Variants in LRRC8C observed in about 807,000 individuals in gnomAD.
LRRC8C encodes the protein volume-regulated anion channel subunit LRRC8C.
Under a neutral mutation model 55.3 loss-of-function variants are expected in LRRC8C, and 20 were observed. The observed-to-expected ratio is 0.36, with a 90% CI of 0.25 to 0.53. The LOEUF (loss-of-function observed/expected upper bound fraction) is 0.53. LRRC8C is among the 20% of genes least tolerant of loss of function. LRRC8C has a pLI of 0.92. For missense variants in LRRC8C, 659 were observed against 951.4 expected (o/e 0.69, Z 4.04); for synonymous variants, 376 against 360.7 (o/e 1.04, Z -0.48).
Position 89,713,598 on chromosome 1 carries a change from A to G in LRRC8C, c.1028A>G (p.Tyr343Cys), listed in dbSNP as rs750411030. The G allele has an allele frequency of 6.2e-7, 1 of 1,614,134 alleles. No individual in the cohort carries two copies. Among genetic ancestry groups the G allele is most frequent in the Non-Finnish European group, 8.5e-7 (1 of 1,180,012 alleles). The part of the protein sequence containing the change: ...TCLYTLYWLF[Y>C]RSLREYSFEY... ...CTTTATACCTTATACTGGCTGTTCT[A>G]CCGTTCTCTACGGGAATATTCCTTT... Residue 343 changes from tyrosine to cysteine, a missense_variant, in exon 3 of 3, where the codon TAC (tyrosine) becomes TGC (cysteine). Physicochemically the swap from Tyr to Cys is radical, Grantham distance 194. This residue lies in a region of LRRC8C where 200 missense variants were observed against 360.5 expected (regional missense o/e 0.55). Transcript: ENST00000370454. The surrounding 1 kb of genome is among the most constrained non-coding windows in gnomAD (Gnocchi z 5.2).
chr1:89,644,521 C>A (rs1490542986), intron 1 of LRRC8C, among the ~76,000 whole-genome samples: 1 of 152,172 alleles, frequency 6.6e-6, no homozygotes, highest in African/African-American at 2.4e-5. Context: ...TGATCCTTGA[C>A]AGAAAGAGAC....
rs371299260 is a variant in LRRC8C, at chr1:89,714,225, A to G, written c.1655A>G (p.Asn552Ser). The G allele has an allele frequency of 2.5e-6, 4 of 1,614,108 alleles. No individual in the cohort carries two copies. The South Asian group carries it at 3.3e-5, about 13-fold the overall frequency. ...CTTAAAATTCTCTCTATCAAAAGCA[A>G]CGTTTCCAAAATCCCTCAGGCAGTG... ...KSLKILSIKS[N>S]VSKIPQAVVD... Residue 552 changes from asparagine to serine, a missense_variant, in exon 3 of 3, where the codon AAC becomes AGC. Transcript: ENST00000370454. The surrounding 1 kb of genome is among the most constrained non-coding windows in gnomAD (Gnocchi z 4.6).
At chr1:89,694,934 T>TC (rs943842426) in intron 2 of LRRC8C, among the ~76,000 whole-genome samples, 7 of 150,752 alleles carry the variant, frequency 4.6e-5, no homozygotes, top group Non-Finnish European at 8.9e-5. Context: ...CTTTTTTTTT[T>TC]TTTTTTTGAT....
At chr1:89,666,119 G>A (rs192181515) in intron 1 of LRRC8C, among the ~76,000 whole-genome samples, 3 of 152,204 alleles carry the variant, frequency 2.0e-5, no homozygotes, top group East Asian at 3.9e-4. Flanking sequence ...TTCTCAGAAC[G>A]TATCCCCATT....
the LRRC8C span, among the ~76,000 whole-genome samples, chr1:89,617,828 C>T: frequency 6.6e-6 from 1 of 152,138 alleles, no homozygotes; most frequent in African/African-American, 2.4e-5. Flanking sequence ...CTCAAGAAAG[C>T]ACAGATTTGA....
chr1:89,663,896 C>T (rs1215083191), intron 1 of LRRC8C, among the ~76,000 whole-genome samples: 2 of 151,956 alleles, frequency 1.3e-5, no homozygotes, highest in Admixed American at 6.5e-5. Flanking sequence ...AGCTTTTTTT[C>T]ATGTTTGTTG....
intron 1 of LRRC8C, among the ~76,000 whole-genome samples, chr1:89,649,706 A>G (rs908321516): frequency 1.3e-5 from 2 of 152,226 alleles, no homozygotes; most frequent in East Asian, 1.9e-4. Context: ...TTCAGGCACT[A>G]TTCCTTTGCC....
upstream of LRRC8C, among the ~76,000 whole-genome samples, chr1:89,630,058 T>C (rs1228473058): frequency 6.6e-6 from 1 of 152,134 alleles, no homozygotes; most frequent in African/African-American, 2.4e-5. Context: ...TAATCCCAGC[T>C]AGTCAGGAGG....
intron 1 of LRRC8C, among the ~76,000 whole-genome samples, chr1:89,658,868 A>G (rs944670439): frequency 1.3e-5 from 2 of 152,170 alleles, no homozygotes; most frequent in Non-Finnish European, 2.9e-5. Flanking sequence ...CCAAGAGGCT[A>G]TAGAGCTAAA....
At chr1:89,674,338 G>A (rs907921931) in intron 1 of LRRC8C, among the ~76,000 whole-genome samples, 1 of 152,110 alleles carries the variant, frequency 6.6e-6, no homozygotes, top group Non-Finnish European at 1.5e-5. Flanking sequence ...TCTAGAATGT[G>A]TGACTCTATG....
chr1:89,694,418 C>G (rs938736400), intron 2 of LRRC8C, among the ~76,000 whole-genome samples: 1 of 151,978 alleles, frequency 6.6e-6, no homozygotes, highest in African/African-American at 2.4e-5. Flanking sequence ...TTCTAGCAAA[C>G]AAGGACTTTC....
At position 89,685,021 on chromosome 1, in the gene LRRC8C, A is replaced by G. The variant is rs148334880; in HGVS notation, c.-4-1449A>G. On this transcript the variant is annotated intron_variant, in intron 1 of 2. Coordinates refer to ENST00000370454, the MANE Select transcript of LRRC8C (RefSeq NM_032270.5). ...GTCACAATGCAGCAAGACGGAATAG[A>G]TAACATTGTAATTGTTGCCAAAGCT... Among the ~76,000 whole-genome samples, 10 of 152,120 alleles carry G rather than the reference A, an allele frequency of 6.6e-5. No individual in the cohort carries two copies. The East Asian group carries it at 1.9e-3, about 29-fold the overall frequency.
intron 1 of LRRC8C, among the ~76,000 whole-genome samples, chr1:89,634,720 A>G (rs1484899992): frequency 6.6e-6 from 1 of 152,232 alleles, no homozygotes; most frequent in Non-Finnish European, 1.5e-5. Context: ...TTCATAAACA[A>G]TGTGTTGAGT....
At chr1:89,712,654 C>A in intron 2 of LRRC8C, 55 bp from the exon 3 acceptor site, 1 of 1,297,760 alleles carries the variant, frequency 7.7e-7, no homozygotes, top group Non-Finnish European at 1.1e-6. Flanking sequence ...GCAGTAATGA[C>A]ATTATGAAAG....
chr1:89,686,052 CAAA>C (rs74261777), intron 1 of LRRC8C, among the ~76,000 whole-genome samples: 9 of 73,062 alleles, frequency 1.2e-4, no homozygotes, highest in Middle Eastern at 8.8e-3. Flanking sequence ...TGGTTTAAAG[CAAA>C]AAAAAAAAAA....
chr1:89,669,419 G>A (rs1434929286), intron 1 of LRRC8C, among the ~76,000 whole-genome samples: 1 of 152,038 alleles, frequency 6.6e-6, no homozygotes, highest in African/African-American at 2.4e-5. Context: ...TTTTAAGCGG[G>A]TAGATCTTAT....
At chr1:89,662,881 G>A (rs745880423) in intron 1 of LRRC8C, among the ~76,000 whole-genome samples, 8 of 152,026 alleles carry the variant, frequency 5.3e-5, no homozygotes, top group Non-Finnish European at 7.4e-5. Context: ...CTGCAGGTTT[G>A]TTACATAGGT....
chr1:89,688,964 G>T (rs1371560305), intron 2 of LRRC8C, among the ~76,000 whole-genome samples: 1 of 152,192 alleles, frequency 6.6e-6, no homozygotes, highest in Non-Finnish European at 1.5e-5. Context: ...TTAAGCCAGG[G>T]TAAGTTCTGA....
chr1:89,641,116 TA>T, intron 1 of LRRC8C, among the ~76,000 whole-genome samples: 1 of 152,300 alleles, frequency 6.6e-6, no homozygotes, highest in East Asian at 1.9e-4. Flanking sequence ...GAATAAAATA[TA>T]AGATGGAGGA....
Sources: gnomAD v4.1 joint callset for allele counts (sites outside exome capture counted in the v4.1 genomes callset) on GRCh38, gnomAD v4.1.1 for gene constraint, gnomAD v4.1.1 regional missense constraint, Gnocchi (gnomAD v3.1) non-coding constraint, MANE v1.5 for transcripts, NCBI Gene and HGNC (gene_info 2026-07-23, HGNC 2026-07-21) for gene names.